Variants in VPS4A observed in about 807,000 individuals in gnomAD.
VPS4A encodes vacuolar protein sorting-associated protein 4A.
VPS4A carries 20 observed loss-of-function variants against 52.3 expected under a neutral mutation model. The ratio of observed to expected loss-of-function variants is 0.38; its 90% CI spans 0.27 to 0.56. VPS4A has a LOEUF of 0.56. Ranked by LOEUF, VPS4A falls within the 20% of genes least tolerant of loss-of-function variation. The pLI is 0.72. For synonymous variants in VPS4A, 293 were observed against 227.7 expected (o/e 1.29, Z -2.58); for missense variants, 419 against 575.9 (o/e 0.73, Z 2.79).
chr16:69,312,612 T>C (rs1227641161), intron 1 of VPS4A, among the ~76,000 whole-genome samples: 1 of 151,924 alleles, frequency 6.6e-6, no homozygotes, highest in Non-Finnish European at 1.5e-5. Flanking sequence ...ATTTTTAAAT[T>C]TTATTTATTT....
At chr16:69,323,940 T>G (rs1965548380) in intron 10 of VPS4A, among the ~76,000 whole-genome samples, 1 of 80,430 alleles carries the variant, frequency 1.2e-5, no homozygotes, top group African/African-American at 6.1e-5. Context: ...ACAGACTCCG[T>G]CTCCAAAAAA....
intron 3 of VPS4A, among the ~76,000 whole-genome samples, chr16:69,317,779 T>C (rs1965456586): frequency 6.7e-6 from 1 of 149,556 alleles, no homozygotes; most frequent in African/African-American, 2.5e-5. Context: ...GGCGACTGAG[T>C]GCGACTCTGT....
chr16:69,317,141 G>A (rs1597212080), intron 3 of VPS4A, among the ~76,000 whole-genome samples: 1 of 152,220 alleles, frequency 6.6e-6, no homozygotes, highest in East Asian at 1.9e-4. Context: ...CATCCGCAGA[G>A]GGAGAGGTCT....
rs1287048770 is a variant in VPS4A, at chr16:69,320,124, C to T, written c.621-17C>T. 7 of 1,609,860 alleles carry T rather than the reference C, an allele frequency of 4.3e-6. No homozygotes were observed. The African/African-American group carries it at 8.0e-5, about 18-fold the overall frequency. On this transcript the variant is annotated splice_polypyrimidine_tract_variant and intron_variant, in intron 6 of 10. Transcript: ENST00000254950. This position sits in a 1 kb window ranked among gnomAD's most constrained non-coding sequence, Gnocchi z 4.2. ...GACGTGAACGTCTTGTCCTCACCCC[C>T]TTTCTCACCTTCACAGGCTGGTCAA...
chr16:69,320,377 GTTCTCA>G lies in VPS4A; in HGVS notation c.769+89_769+94del. The G allele has an allele frequency of 1.3e-6, 2 of 1,550,238 alleles. No homozygotes were observed. The highest frequency in any genetic ancestry group is 1.8e-6 in the Non-Finnish European group (2 of 1,141,990). On this transcript the variant is annotated intron_variant, in intron 7 of 10. Coordinates refer to ENST00000254950, the MANE Select transcript of VPS4A (RefSeq NM_013245.3). The surrounding 1 kb of genome is among the most constrained non-coding windows in gnomAD (Gnocchi z 4.2). ...TTCTGAGCTGCGGCTGGATTTGGTT[GTTCTCA>G]GCCTCGGAGAGGCACTCCCCAGCTC...
In VPS4A at chr16:69,321,186, C is replaced by A; in HGVS notation, c.987C>A (p.Tyr329Ter). ...AGCTGGCCCGGAAGACGGAAGGCTA[C>A]TCGGGCGCGGACATCAGCATCATCG... is the stretch of plus-strand genomic sequence containing the variant. ...IHELARKTEGYSGADISIIVR... is the reference protein window; with the variant it reads ...IHELARKTEG The change falls in exon 9 of 11, where the codon TAC becomes TAA. Residue 329 changes from tyrosine to a stop codon, truncating the protein, a stop_gained. Transcript: ENST00000254950. LOFTEE classifies it high-confidence loss of function. This position sits in a 1 kb window ranked among gnomAD's most constrained non-coding sequence, Gnocchi z 4.5. 6.4e-7 allele frequency: 1 copy of A among 1,573,830 alleles called. No homozygotes were observed. The highest frequency in any genetic ancestry group is 8.6e-7 in the Non-Finnish European group (1 of 1,160,308).
chr16:69,318,511 C>A, intron 3 of VPS4A, 139 bp from the exon 4 acceptor site: 1 of 896,214 alleles, frequency 1.1e-6, no homozygotes, highest in Non-Finnish European at 1.7e-6. Context: ...GAAGTACTTG[C>A]TTGAGTCACA....
intron 9 of VPS4A, 139 bp from the exon 10 acceptor site, chr16:69,322,421 C>T (rs1419572873): frequency 5.4e-6 from 5 of 925,530 alleles, no homozygotes; most frequent in Admixed American, 6.2e-5. Context: ...CCACCCAGCC[C>T]GAGTTCTGAA....
Position 69,316,082 on chromosome 16 carries a change from C to T in VPS4A, c.96C>T (p.Tyr32=). 6.2e-7 allele frequency: 1 copy of T among 1,613,472 alleles called. No individual in the cohort carries two copies. The highest frequency in any genetic ancestry group is 8.5e-7 in the Non-Finnish European group (1 of 1,179,870). ...AKNYEEALRL[Y]QHAVEYFLHA... The stretch of plus-strand genomic sequence containing the variant: ...ACTACGAGGAGGCGCTGCGGCTGTA[C>T]CAGCATGCGGTGGAGTACTTCCTCC... Residue 32 remains tyrosine (Y), a synonymous_variant, in exon 2 of 11, where the codon TAC becomes TAT. Coordinates refer to ENST00000254950, the MANE Select transcript of VPS4A (RefSeq NM_013245.3).
Position 69,321,136 on chromosome 16 carries a change from A to C in VPS4A, c.937A>C (p.Asn313His), listed in dbSNP as rs779976530. ...GTTGCATCTCGGGAGCACTCCCCAC[A>C]ACCTCACGGATGCAAACATCCACGA... ...FRLHLGSTPH[N>H]LTDANIHELA... The change falls in exon 9 of 11, where the codon AAC becomes CAC. Residue 313 changes from asparagine (N) to histidine (H), a missense_variant. By Grantham distance (68) the Asn-to-His change is moderately conservative. Around this residue, in one of 3 missense-constraint regions of VPS4A, gnomAD observed 185 missense variants for 200.2 expected, o/e 0.92. Transcript: ENST00000254950. The surrounding 1 kb of genome is among the most constrained non-coding windows in gnomAD (Gnocchi z 4.5). 1.3e-6 allele frequency: 2 copies of C among 1,590,902 alleles called. No individual in the cohort carries two copies. The highest frequency in any genetic ancestry group is 1.7e-5 in the Admixed American group (1 of 57,360).
Position 69,324,745 on chromosome 16 carries a change from TC to T in VPS4A, c.*438del, listed in dbSNP as rs1965563929. The T allele has an allele frequency of 5.1e-6, 1 of 194,466 alleles. No individual in the cohort carries two copies. The highest frequency in any genetic ancestry group is 1.1e-5 in the Non-Finnish European group (1 of 91,672). The allele number at this position is 194,466 out of a possible 1,614,324, so 12.0% of individuals were successfully genotyped here. A position where few individuals can be genotyped will look rare whatever the true frequency, so the allele number is the denominator to read the frequency against. On this transcript the variant is annotated 3_prime_UTR_variant, in exon 11 of 11. Transcript: ENST00000254950. ...ACAGCCGGCTAGCCCCACTGCCCGT[TC>T]CTTTTACGCCCAAGTTTTGCTCCTT...
Position 69,321,099 on chromosome 16 carries a change from C to T in VPS4A, c.900C>T (p.Ala300=). ...YIPLPEEAAR[A]QMFRLHLGST... ...CCTTGCCGGAGGAAGCTGCCCGCGC[C>T]CAGATGTTCCGGTTGCATCTCGGGA... The change falls in exon 9 of 11, where the codon GCC becomes GCT. Residue 300 remains alanine, a synonymous_variant. Transcript: ENST00000254950. This position sits in a 1 kb window ranked among gnomAD's most constrained non-coding sequence, Gnocchi z 4.5. The T allele has an allele frequency of 1.3e-6, 2 of 1,597,106 alleles. No individual in the cohort carries two copies. Among genetic ancestry groups the T allele is most frequent in the African/African-American group, 1.3e-5 (1 of 74,480 alleles).
intron 1 of VPS4A, among the ~76,000 whole-genome samples, chr16:69,314,706 G>A (rs1247851118): frequency 6.6e-6 from 1 of 152,128 alleles, no homozygotes. Context: ...CGAGCTGTCT[G>A]TGTGTGTTTC....
chr16:69,312,364 G>C (rs1435698113), intron 1 of VPS4A, among the ~76,000 whole-genome samples: 1 of 152,206 alleles, frequency 6.6e-6, no homozygotes, highest in Admixed American at 6.5e-5. Flanking sequence ...AGTTAGGCAA[G>C]ACTTCATGGA....
intron 1 of VPS4A, among the ~76,000 whole-genome samples, chr16:69,312,626 T>G (rs972414929): frequency 6.6e-6 from 1 of 152,182 alleles, no homozygotes. Context: ...TTTATTTATT[T>G]TTTTGAGATG....
chr16:69,317,159 C>G (rs896267978), intron 3 of VPS4A, among the ~76,000 whole-genome samples: 1 of 152,148 alleles, frequency 6.6e-6, no homozygotes, highest in African/African-American at 2.4e-5. Context: ...TCTGGCGAGG[C>G]AGGGGTGGAG....
chr16:69,322,682 A>G lies in VPS4A; in HGVS notation c.1194A>G (p.Leu398=). 6.2e-7 allele frequency: 1 copy of G among 1,613,732 alleles called. No individual in the cohort carries two copies. Among genetic ancestry groups the G allele is most frequent in the Non-Finnish European group, 8.5e-7 (1 of 1,179,736 alleles). Residue 398 remains leucine, a synonymous_variant, in exon 10 of 11, where the codon TTA becomes TTG. Coordinates refer to ENST00000254950, the MANE Select transcript of VPS4A (RefSeq NM_013245.3). ...TGGATGTCCCTGGGGACAAACTCTT[A>G]GAGCCTGTGGTTTGCATGGTAAGTG... ...TWMDVPGDKL[L]EPVVCMSDML...
At position 69,320,891 on chromosome 16, in the gene VPS4A, G is replaced by T. The variant is rs1965501760; in HGVS notation, c.851+122G>T. On this transcript the variant is annotated intron_variant, in intron 8 of 10. Coordinates refer to ENST00000254950, the MANE Select transcript of VPS4A (RefSeq NM_013245.3). The surrounding 1 kb of genome is among the most constrained non-coding windows in gnomAD (Gnocchi z 4.2). The stretch of plus-strand genomic sequence containing the variant: ...TTCCCTGGAGTCTTCCCGTCTGCCT[G>T]CCAAGCAGAGCCCTTTGTGAGGCTG... 1.6e-6 allele frequency: 2 copies of T among 1,239,464 alleles called. No individual in the cohort carries two copies. The highest frequency in any genetic ancestry group is 2.8e-5 in the South Asian group (2 of 70,524). 76.8% of individuals were successfully genotyped at this position (1,239,464 alleles called of 1,614,324 possible).
In VPS4A at chr16:69,316,175, G is replaced by A. The variant is rs375795997; in HGVS notation, c.134-50G>A. 1.9e-6 allele frequency: 3 copies of A among 1,612,344 alleles called. No individual in the cohort carries two copies. The African/African-American group carries it at 4.0e-5, about 21-fold the overall frequency. ...GCACTCCAGAGGGGAGCGGAGGAGA[G>A]GGGGTGGCGCACGAGCCTCACAGGG... On this transcript the variant is annotated intron_variant, in intron 2 of 10. Transcript: ENST00000254950.
Sources: gnomAD v4.1 joint callset for allele counts (sites outside exome capture counted in the v4.1 genomes callset) on GRCh38, gnomAD v4.1.1 for gene constraint, gnomAD v4.1.1 regional missense constraint, Gnocchi (gnomAD v3.1) non-coding constraint, MANE v1.5 for transcripts, NCBI Gene and HGNC (gene_info 2026-07-23, HGNC 2026-07-21) for gene names.